GDPD4: variants seen among roughly 807,000 people sequenced by gnomAD.
GDPD4 encodes glycerophosphodiester phosphodiesterase 6.
GDPD4 carries 60 observed loss-of-function variants against 67.8 expected under a neutral mutation model. The ratio of observed to expected loss-of-function variants is 0.88; its 90% CI spans 0.72 to 1.10. The LOEUF is 1.10. Ranked by LOEUF, GDPD4 falls within the 50% of genes least tolerant of loss-of-function variation. The pLI is 0.00. For synonymous variants in GDPD4, 212 were observed against 210.9 expected (o/e 1.00, Z -0.04); for missense variants, 623 against 613.9 (o/e 1.01, Z -0.16).
intron 1 of GDPD4, among the ~76,000 whole-genome samples, chr11:77,297,852 C>T (rs1938028546): frequency 6.6e-6 from 1 of 152,014 alleles, no homozygotes; most frequent in Admixed American, 6.6e-5. Flanking sequence ...GCGTCAAGGG[C>T]AAAGTGATAA....
At chr11:77,273,885 A>G (rs111887447) in intron 5 of GDPD4, among the ~76,000 whole-genome samples, 7 of 152,234 alleles carry the variant, frequency 4.6e-5, no homozygotes, top group African/African-American at 1.7e-4. Flanking sequence ...GCTGGTGAGG[A>G]AAGTGTCAGC....
chr11:77,239,479 G>C (rs886387948), intron 13 of GDPD4, among the ~76,000 whole-genome samples: 1 of 152,092 alleles, frequency 6.6e-6, no homozygotes, highest in East Asian at 1.9e-4. Context: ...TCAGTTTATC[G>C]GTTGCAAAGT....
At chr11:77,234,560 C>T (rs564813533) in intron 13 of GDPD4, among the ~76,000 whole-genome samples, 1 of 152,278 alleles carries the variant, frequency 6.6e-6, no homozygotes, top group African/African-American at 2.4e-5. Context: ...CATGTGTACC[C>T]AATGTTTAGC....
intron 3 of GDPD4, among the ~76,000 whole-genome samples, chr11:77,283,703 C>A (rs1167359409): frequency 2.0e-5 from 3 of 151,862 alleles, no homozygotes; most frequent in African/African-American, 7.3e-5. Flanking sequence ...TAAACTTGTT[C>A]TGAAACTAAA....
intron 14 of GDPD4, among the ~76,000 whole-genome samples, chr11:77,231,485 A>T (rs1313527483): frequency 6.6e-6 from 1 of 152,220 alleles, no homozygotes; most frequent in Non-Finnish European, 1.5e-5. Context: ...GAATAAAATG[A>T]CACATGGCAT....
intron 11 of GDPD4, among the ~76,000 whole-genome samples, chr11:77,256,229 T>C (rs954754468): frequency 6.6e-6 from 1 of 152,242 alleles, no homozygotes; most frequent in East Asian, 1.9e-4. Context: ...GATACAATAA[T>C]AGGCTTTTCA....
intron 11 of GDPD4, among the ~76,000 whole-genome samples, chr11:77,247,665 G>A (rs1208570765): frequency 2.6e-5 from 4 of 152,142 alleles, no homozygotes; most frequent in Non-Finnish European, 5.9e-5. Flanking sequence ...ATAAAAATAA[G>A]ATTAAAAGGT....
chr11:77,277,403 T>TTTTC (rs1959526673), intron 4 of GDPD4, among the ~76,000 whole-genome samples: 1 of 110,282 alleles, frequency 9.1e-6, no homozygotes, highest in Non-Finnish European at 1.9e-5. Flanking sequence ...TTTTTTTTTT[T>TTTTC]TTTTTTTTTT....
Position 77,251,277 on chromosome 11 carries a change from T to C in GDPD4, c.865-5775A>G, listed in dbSNP as rs146272546. ...GTAGTATAAAAGGTTTGATTTTTTTTTCTCTCTCTCCTTTGCCTATCTGCT... is the reference window on the plus strand; with the variant it reads ...GTAGTATAAAAGGTTTGATTTTTTTCTCTCTCTCTCCTTTGCCTATCTGCT... On this transcript the variant is annotated intron_variant, in intron 11 of 16. Transcript: ENST00000315938. 2.4e-3 allele frequency among the ~76,000 whole-genome samples: 359 copies of C among 152,322 alleles called. 1 individual carries two copies. The highest frequency in any genetic ancestry group is 7.4e-3 in the African/African-American group (308 of 41,572).
Position 77,216,604 on chromosome 11 carries a change from A to T in GDPD4, c.*673T>A. On this transcript the variant is annotated 3_prime_UTR_variant, in exon 17 of 17. Transcript: ENST00000315938. ...TTATATGCACAGTCACTCCTTTAGC[A>T]GAAAATATTATGGAGGTGTTAGGAT... 3.0e-6 allele frequency: 1 copy of T among 335,814 alleles called. No individual in the cohort carries two copies. Among genetic ancestry groups the T allele is most frequent in the Non-Finnish European group, 5.5e-6 (1 of 181,108 alleles). The allele number at this position is 335,814 out of a possible 1,614,324, so 20.8% of individuals were successfully genotyped here. A position where few individuals can be genotyped will look rare whatever the true frequency, so the allele number is the denominator to read the frequency against.
At chr11:77,291,019 G>T (rs1187707626) in intron 1 of GDPD4, among the ~76,000 whole-genome samples, 1 of 152,098 alleles carries the variant, frequency 6.6e-6, no homozygotes, top group Non-Finnish European at 1.5e-5. Context: ...CCACCACTTG[G>T]TAGTTATCCA....
chr11:77,299,204 T>C (rs1024973098), intron 1 of GDPD4, among the ~76,000 whole-genome samples: 3 of 152,268 alleles, frequency 2.0e-5, no homozygotes, highest in South Asian at 2.1e-4. Context: ...ACCAGCCCCA[T>C]AGAATACCAT....
intron 4 of GDPD4, among the ~76,000 whole-genome samples, chr11:77,278,778 G>A (rs1417643473): frequency 6.6e-6 from 1 of 152,194 alleles, no homozygotes; most frequent in Non-Finnish European, 1.5e-5. Context: ...CTCACACTAA[G>A]TGACACTACT....
In GDPD4 at chr11:77,243,742, A is replaced by G. The variant is rs947886229; in HGVS notation, c.1193T>C (p.Ile398Thr). 2 of 1,574,468 alleles carry G rather than the reference A, an allele frequency of 1.3e-6. No homozygotes were observed. The highest frequency in any genetic ancestry group is 1.7e-6 in the Non-Finnish European group (2 of 1,149,408). The change falls in exon 13 of 17, where the codon ATC becomes ACC. Residue 398 changes from isoleucine to threonine, a missense_variant. By Grantham distance (89) the Ile-to-Thr change is moderately conservative (BLOSUM62 -1). Coordinates refer to ENST00000315938, the MANE Select transcript of GDPD4 (RefSeq NM_182833.3). ...CTTGTAGTCAACATTTATTATACTG[A>G]TATTGTTTTTAGCAAGGGTTTCAAT... ...VSIETLAKNNISIINVDYKKL... is the reference protein window; with the variant it reads ...VSIETLAKNNTSIINVDYKKL...
At chr11:77,253,218 GGTAT>G (rs1278604801) in intron 11 of GDPD4, among the ~76,000 whole-genome samples, 1 of 152,202 alleles carries the variant, frequency 6.6e-6, no homozygotes, top group Non-Finnish European at 1.5e-5. Flanking sequence ...TAAGGAAGAA[GGTAT>G]GTTCTGGAGG....
At chr11:77,277,501 C>T (rs1178759345) in intron 4 of GDPD4, among the ~76,000 whole-genome samples, 1 of 143,930 alleles carries the variant, frequency 6.9e-6, no homozygotes, top group Non-Finnish European at 1.5e-5. Flanking sequence ...CTCCCAGGTT[C>T]ACGCCATTCT....
At position 77,271,338 on chromosome 11, in the gene GDPD4, T is replaced by A. The variant is rs1959221651; in HGVS notation, c.263A>T (p.Lys88Ile). ...LCVILMFIIC[K>I]FWKERWLVAG... ...TACCAGCCACCTTTCTTTCCAGAAT[T>A]TGCATATAATGAACATTAAAATGAC... The change falls in exon 6 of 17, where the codon AAA becomes ATA. Residue 88 changes from lysine (K) to isoleucine (I), a missense_variant. By Grantham distance (102) the Lys-to-Ile change is moderately radical. Coordinates refer to ENST00000315938, the MANE Select transcript of GDPD4 (RefSeq NM_182833.3). The A allele has an allele frequency of 6.2e-7, 1 of 1,613,958 alleles. No homozygotes were observed. The highest frequency in any genetic ancestry group is 8.5e-7 in the Non-Finnish European group (1 of 1,179,866).
chr11:77,293,545 G>A (rs1937849859), intron 1 of GDPD4, among the ~76,000 whole-genome samples: 1 of 148,368 alleles, frequency 6.7e-6, no homozygotes, highest in Non-Finnish European at 1.5e-5. Flanking sequence ...AGTAAGCCAA[G>A]ATCACACCAC....
chr11:77,225,108 A>G (rs534398375), intron 16 of GDPD4, among the ~76,000 whole-genome samples: 2 of 152,164 alleles, frequency 1.3e-5, no homozygotes, highest in South Asian at 4.1e-4. Context: ...TTGCCTCTAA[A>G]CAAGCAAAAC....
Sources: allele counts gnomAD v4.1 joint callset (sites outside exome capture counted in the v4.1 genomes callset), GRCh38; gene constraint gnomAD v4.1.1; transcripts MANE v1.5; gene names NCBI Gene and HGNC (gene_info 2026-07-23, HGNC 2026-07-21).